PDE1A: variants seen among roughly 807,000 people sequenced by gnomAD.
The protein encoded by PDE1A is dual specificity calcium/calmodulin-dependent 3',5'-cyclic nucleotide phosphodiesterase 1A.
In PDE1A, 35 loss-of-function variants were observed where a neutral mutation model predicts 61.7. The ratio of observed to expected loss-of-function variants is 0.57; its 90% confidence interval spans 0.43 to 0.75. The LOEUF (loss-of-function observed/expected upper bound fraction) is 0.75, where lower values mean the gene tolerates loss of function less well. Ranked by LOEUF, PDE1A falls within the 30% of genes least tolerant of loss-of-function variation. PDE1A has a pLI of 0.00. For missense variants in PDE1A, 597 were observed against 630.6 expected, an observed-to-expected ratio of 0.95 and a Z score of 0.57; for synonymous variants, 232 against 213.2, an observed-to-expected ratio of 1.09 and a Z score of -0.77.
At chr2:182,243,141 T>C (rs1690686382) in intron 2 of PDE1A, among the ~76,000 whole-genome samples, 2 of 152,276 alleles carry the variant, frequency 1.3e-5, no homozygotes, top group African/African-American at 2.4e-5. Context: ...AATGCCTTTT[T>C]AGCAATTATA....
intron 10 of PDE1A, among the ~76,000 whole-genome samples, chr2:182,193,074 G>A (rs893721805): frequency 6.6e-5 from 10 of 151,878 alleles, no homozygotes; most frequent in Non-Finnish European, 1.2e-4. Flanking sequence ...TGCAACCTCC[G>A]CCTCCTGGGT....
chr2:182,598,188 G>C, the PDE1A span, among the ~76,000 whole-genome samples: 1 of 152,140 alleles, frequency 6.6e-6, no homozygotes, highest in African/African-American at 2.4e-5. Context: ...TCCTTCTTCT[G>C]TTCAACCCTT....
rs10198216 is a variant in PDE1A, at chr2:182,434,956, G to A, written c.101+87320C>T. ...TGTTCCCCAAATTGGCTAACTCCCC[G>A]GTCATTTAAATCCATCAGAAACAAG... On this transcript the variant is annotated intron_variant, in intron 2 of 14. Transcript: ENST00000410103. 9.1e-3 allele frequency among the ~76,000 whole-genome samples: 1,376 copies of A among 151,918 alleles called. 25 individuals carry two copies. The highest frequency in any genetic ancestry group is 0.031 in the African/African-American group (1,279 of 41,428).
At chr2:182,602,981 T>TCACA in the PDE1A span, among the ~76,000 whole-genome samples, 24,411 of 148,578 alleles carry the variant, frequency 0.16, 2,477 homozygotes, top group Non-Finnish European at 0.23. Flanking sequence ...CTAAAATACA[T>TCACA]CACACACACA....
the PDE1A span, among the ~76,000 whole-genome samples, chr2:182,618,815 G>A: frequency 6.6e-6 from 1 of 152,038 alleles, no homozygotes; most frequent in Admixed American, 6.5e-5. Context: ...TATGTTCCTG[G>A]CACAGAGCAC....
chr2:182,369,975 G>T (rs1183069492), intron 1 of PDE1A, among the ~76,000 whole-genome samples: 1 of 152,056 alleles, frequency 6.6e-6, no homozygotes, highest in Non-Finnish European at 1.5e-5. Flanking sequence ...AGGAGATCAA[G>T]ACCATCCTGG....
chr2:182,207,520 A>G (rs1484138953), intron 7 of PDE1A, among the ~76,000 whole-genome samples: 1 of 152,230 alleles, frequency 6.6e-6, no homozygotes, highest in Non-Finnish European at 1.5e-5. Context: ...TTGCATAAAG[A>G]AAGAAATTAC....
At chr2:182,203,770 T>A (rs1686868328) in intron 8 of PDE1A, among the ~76,000 whole-genome samples, 1 of 151,958 alleles carries the variant, frequency 6.6e-6, no homozygotes, top group Non-Finnish European at 1.5e-5. Flanking sequence ...AAAAGTACTT[T>A]AAGAAATAAA....
chr2:182,589,402 T>C, the PDE1A span, among the ~76,000 whole-genome samples: 1 of 151,804 alleles, frequency 6.6e-6, no homozygotes, highest in Non-Finnish European at 1.5e-5. Flanking sequence ...AGTGTAGAGA[T>C]TCCCTAGCCC....
At chr2:182,408,282 C>T (rs773118197) in intron 1 of PDE1A, among the ~76,000 whole-genome samples, 27 of 151,424 alleles carry the variant, frequency 1.8e-4, no homozygotes, top group Non-Finnish European at 2.9e-5. Context: ...ACCTGGACTA[C>T]CCATGGATTT....
intron 1 of PDE1A, among the ~76,000 whole-genome samples, chr2:182,265,721 T>C (rs769077069): frequency 2.6e-5 from 4 of 152,174 alleles, no homozygotes; most frequent in Non-Finnish European, 4.4e-5. Context: ...TGCATTAAAT[T>C]GTAAGCTGCG....
chr2:182,708,910 TA>T, the PDE1A span, among the ~76,000 whole-genome samples: 10 of 152,196 alleles, frequency 6.6e-5, no homozygotes, highest in Non-Finnish European at 2.9e-5. Flanking sequence ...CTAAAGTGCT[TA>T]AAATAGTATC....
the PDE1A span, among the ~76,000 whole-genome samples, chr2:182,556,421 G>T: frequency 6.6e-6 from 1 of 152,132 alleles, no homozygotes; most frequent in East Asian, 1.9e-4. Context: ...TCTATATAAT[G>T]TTAACTAAAC....
chr2:182,241,811 T>C (rs1185822169), intron 2 of PDE1A: 1 of 1,525,204 alleles, frequency 6.6e-7, no homozygotes, highest in Admixed American at 2.0e-5. Context: ...CTCTATATGA[T>C]TTTTAACTTT....
At chr2:182,240,854 A>C (rs970004876) in intron 2 of PDE1A, among the ~76,000 whole-genome samples, 8 of 152,218 alleles carry the variant, frequency 5.3e-5, no homozygotes, top group Non-Finnish European at 1.2e-4. Context: ...AAGTGCTCCC[A>C]ACGATATCCA....
chr2:182,380,334 G>T (rs55755738), intron 1 of PDE1A, among the ~76,000 whole-genome samples: 6,393 of 151,512 alleles, frequency 0.042, 159 homozygotes, highest in Admixed American at 0.078. Context: ...GGATGGTCTC[G>T]ATCTCCTGAT....
chr2:182,713,629 C>G, the PDE1A span, among the ~76,000 whole-genome samples: 3 of 152,098 alleles, frequency 2.0e-5, no homozygotes, highest in Non-Finnish European at 4.4e-5. Flanking sequence ...AAAACTCCAT[C>G]TCAAAAAATA....
chr2:182,174,852 G>A (rs1197457073), intron 13 of PDE1A, among the ~76,000 whole-genome samples: 10 of 152,044 alleles, frequency 6.6e-5, no homozygotes, highest in East Asian at 1.9e-4. Context: ...CCATCAACCC[G>A]TCATCTACAT....
chr2:182,649,652 C>G, the PDE1A span, among the ~76,000 whole-genome samples: 3 of 151,566 alleles, frequency 2.0e-5, no homozygotes, highest in Admixed American at 2.0e-4. Flanking sequence ...GCTTTTTCAC[C>G]CAGGCTTGAT....
Sources: gnomAD v4.1 joint callset for allele counts (sites outside exome capture counted in the v4.1 genomes callset) on GRCh38, gnomAD v4.1.1 for gene constraint, MANE v1.5 for transcripts, NCBI Gene and HGNC (gene_info 2026-07-23, HGNC 2026-07-21) for gene names.